ACTN1: variants seen among roughly 807,000 people sequenced by gnomAD.
The protein encoded by ACTN1 is alpha-actinin-1.
ACTN1 carries 30 observed loss-of-function variants against 119.6 expected under a neutral mutation model. The observed-to-expected ratio is 0.25, with a 90% confidence interval of 0.19 to 0.34. The LOEUF (loss-of-function observed/expected upper bound fraction) is 0.34, where lower values mean the gene tolerates loss of function less well. ACTN1 is among the 10% of genes least tolerant of loss of function. The pLI is 1.00. For synonymous variants in ACTN1, 429 were observed against 472.6 expected (o/e 0.91, Z 1.20); for missense variants, 764 against 1,223.4 (o/e 0.62, Z 5.60).
intron 1 of ACTN1, among the ~76,000 whole-genome samples, chr14:68,942,202 ACT>A (rs34673474): frequency 0.14 from 20,766 of 151,708 alleles, 2,423 homozygotes; most frequent in East Asian, 0.64. Flanking sequence ...CAGGCAAAAA[ACT>A]CTGTCTCTAC....
rs2031658472 is a variant in ACTN1 at position 68,882,657 on chromosome 14, G to A, written c.1819-65C>T. The stretch of plus-strand genomic sequence containing the variant: ...GCCATCTGTCCATGTGCCAGATGAG[G>A]AAATGGAGGACCCAGAAGGGGAAGG... On this transcript the variant is annotated intron_variant, in intron 15 of 21. Transcript: ENST00000394419. This position sits in a 1 kb window ranked among gnomAD's most constrained non-coding sequence, Gnocchi z 4.5. The A allele has an allele frequency of 1.9e-6, 3 of 1,600,822 alleles. No homozygotes were observed. The highest frequency in any genetic ancestry group is 2.7e-5 in the African/African-American group (2 of 74,764).
Position 68,904,674 on chromosome 14 carries a change from G to C in ACTN1, c.657C>G (p.Pro219=), listed in dbSNP as rs1487205771. 6 of 1,614,094 alleles carry C rather than the reference G, an allele frequency of 3.7e-6. No homozygotes were observed. The Admixed American group carries it at 1.0e-4, about 27-fold the overall frequency. The change falls in exon 7 of 22, where the codon CCC becomes CCG. Residue 219 remains proline, a synonymous_variant. Transcript: ENST00000394419. ...FDVAEKYLDI[P]KMLDAEDIVG... ...TTTCACCTTCGGCATCCAGCATCTT[G>C]GGGATGTCCAGGTACTTCTCTGCCA...
chr14:68,965,191 G>A (rs1401296453), intron 1 of ACTN1, among the ~76,000 whole-genome samples: 3 of 152,234 alleles, frequency 2.0e-5, no homozygotes, highest in African/African-American at 7.2e-5. Flanking sequence ...GGACAAATCA[G>A]ATCACCACTA....
Position 68,883,007 on chromosome 14 carries a change from C to T in ACTN1, c.1684G>A (p.Asp562Asn), listed in dbSNP as rs147824601. The change falls in exon 15 of 22, where the codon GAC becomes AAC. Residue 562 changes from aspartate (D) to asparagine (N), a missense_variant. Asp to Asn is a conservative substitution (Grantham distance 23). Coordinates refer to ENST00000394419, the MANE Select transcript of ACTN1 (RefSeq NM_001130004.2). ...EQFKATLPDA[D>N]KERLAILGIH... ...CCCAGGATGGCCAGGCGCTCCTTGT[C>T]GGCATCAGGGAGGGTGGCCTTGAAC... 20 of 1,614,152 alleles carry T rather than the reference C, an allele frequency of 1.2e-5. 1 individual carries two copies. The highest frequency in any genetic ancestry group is 4.4e-5 in the South Asian group (4 of 91,086).
At chr14:68,932,539 T>TTTTTTTTTA (rs71102619) in intron 1 of ACTN1, among the ~76,000 whole-genome samples, 1 of 117,148 alleles carries the variant, frequency 8.5e-6, no homozygotes, top group Non-Finnish European at 1.7e-5. Context: ...TTTTTTTTTT[T>TTTTTTTTTA]AATTTTTCTT....
rs989647975 is a variant in ACTN1 at position 68,877,015 on chromosome 14, C to A, written c.2586+67G>T. 7.6e-6 allele frequency: 12 copies of A among 1,579,414 alleles called. No individual in the cohort carries two copies. The Admixed American group carries it at 2.1e-4, about 28-fold the overall frequency. ...TGAGGAGTTCATGTTCCAGCTCTCA[C>A]CCCTTTAGATCACAGTCCAGCCAGT... On this transcript the variant is annotated intron_variant, in intron 21 of 21. Coordinates refer to ENST00000394419, the MANE Select transcript of ACTN1 (RefSeq NM_001130004.2).
At position 68,979,128 on chromosome 14, in the gene ACTN1, G is replaced by T. The variant is rs1266071031; in HGVS notation, c.-72C>A. ...TCTGAGCAACGGCTGCTGCCCTGGCGTGGGGAGGGAGTAGGGCTGGGCTGG... is the reference window on the plus strand; with the variant it reads ...TCTGAGCAACGGCTGCTGCCCTGGCTTGGGGAGGGAGTAGGGCTGGGCTGG... On this transcript the variant is annotated 5_prime_UTR_variant, in exon 1 of 22. Coordinates refer to ENST00000394419, the MANE Select transcript of ACTN1 (RefSeq NM_001130004.2). 4 of 1,103,970 alleles carry T rather than the reference G, an allele frequency of 3.6e-6. No individual in the cohort carries two copies. Among genetic ancestry groups the T allele is most frequent in the South Asian group, 1.3e-5 (1 of 75,404 alleles). The allele number at this position is 1,103,970 out of a possible 1,614,324, so 68.4% of individuals were successfully genotyped here.
At chr14:68,932,316 T>G (rs2035257202) in intron 1 of ACTN1, among the ~76,000 whole-genome samples, 1 of 151,736 alleles carries the variant, frequency 6.6e-6, no homozygotes, top group Non-Finnish European at 1.5e-5. Flanking sequence ...GGATGCCTCC[T>G]GCTCTCAAAC....
At chr14:68,970,806 C>T (rs1474310904) in intron 1 of ACTN1, among the ~76,000 whole-genome samples, 1 of 152,206 alleles carries the variant, frequency 6.6e-6, no homozygotes, top group Non-Finnish European at 1.5e-5. Flanking sequence ...TTCACTGAGG[C>T]CTATGTCCAT....
chr14:68,935,530 C>T (rs760863548), intron 1 of ACTN1, among the ~76,000 whole-genome samples: 3 of 151,574 alleles, frequency 2.0e-5, no homozygotes, highest in Admixed American at 6.6e-5. Flanking sequence ...GGACTACAGG[C>T]GCGTGCCACC....
At chr14:68,953,026 A>C (rs1197616036) in intron 1 of ACTN1, among the ~76,000 whole-genome samples, 1 of 152,114 alleles carries the variant, frequency 6.6e-6, no homozygotes, top group Non-Finnish European at 1.5e-5. Context: ...GGCATCTGCC[A>C]CTGGAACGCA....
At chr14:68,961,895 C>T (rs1349344485) in intron 1 of ACTN1, among the ~76,000 whole-genome samples, 2 of 152,146 alleles carry the variant, frequency 1.3e-5, no homozygotes, top group Non-Finnish European at 2.9e-5. Context: ...CCAGAAACTA[C>T]CCCCACGCCC....
intron 3 of ACTN1, among the ~76,000 whole-genome samples, chr14:68,918,476 C>A (rs549065928): frequency 2.3e-4 from 33 of 146,264 alleles, no homozygotes; most frequent in Non-Finnish European, 4.2e-4. Context: ...GTCCCAGCTA[C>A]TCGGGAGGCT....
intron 8 of ACTN1, among the ~76,000 whole-genome samples, chr14:68,900,105 GC>G (rs1429024659): frequency 1.3e-5 from 2 of 152,114 alleles, no homozygotes; most frequent in Non-Finnish European, 2.9e-5. Flanking sequence ...GCACCAATGA[GC>G]CCTGGAAGGA....
chr14:68,975,007 C>T (rs1594890974), intron 1 of ACTN1, among the ~76,000 whole-genome samples: 1 of 152,198 alleles, frequency 6.6e-6, no homozygotes, highest in Non-Finnish European at 1.5e-5. Flanking sequence ...ATGCCTTCCT[C>T]GAGAAGATGA....
At chr14:68,900,463 G>A (rs988522246) in intron 8 of ACTN1, among the ~76,000 whole-genome samples, 5 of 151,794 alleles carry the variant, frequency 3.3e-5, no homozygotes, top group Non-Finnish European at 7.4e-5. Context: ...CTAAATTTGC[G>A]AGGGTGGCCT....
intron 1 of ACTN1, among the ~76,000 whole-genome samples, chr14:68,970,589 G>A (rs1419013407): frequency 1.3e-5 from 2 of 152,284 alleles, no homozygotes; most frequent in African/African-American, 4.8e-5. Flanking sequence ...AAGAGAGAAG[G>A]GGAGGGTGCT....
chr14:68,935,348 T>C (rs1329206689), intron 1 of ACTN1, among the ~76,000 whole-genome samples: 3 of 150,406 alleles, frequency 2.0e-5, no homozygotes, highest in African/African-American at 4.9e-5. Flanking sequence ...TATGATGATC[T>C]GCTCCCTCTC....
chr14:68,902,397 G>A, intron 8 of ACTN1, 80 bp downstream of exon 8: 2 of 1,198,088 alleles, frequency 1.7e-6, no homozygotes, highest in East Asian at 2.4e-5. Flanking sequence ...ACCAGGAGAG[G>A]TGGAGGCGGG....
Sources: allele counts gnomAD v4.1 joint callset (sites outside exome capture counted in the v4.1 genomes callset), GRCh38; gene constraint gnomAD v4.1.1; non-coding constraint Gnocchi (gnomAD v3.1); transcripts MANE v1.5; gene names NCBI Gene and HGNC (gene_info 2026-07-23, HGNC 2026-07-21).